RPS6KA2: variants seen among roughly 807,000 people sequenced by gnomAD.
RPS6KA2 encodes the protein ribosomal protein S6 kinase A2.
Under a neutral mutation model 91.8 loss-of-function variants are expected in RPS6KA2, and 42 were observed. The ratio of observed to expected loss-of-function variants is 0.46; its 90% CI spans 0.36 to 0.59. The LOEUF (loss-of-function observed/expected upper bound fraction) is 0.59, where lower values mean the gene tolerates loss of function less well. RPS6KA2 is among the 20% of genes least tolerant of loss of function. RPS6KA2 has a pLI of 0.00. For missense variants in RPS6KA2, 798 were observed against 978.5 expected, an observed-to-expected ratio of 0.82 and a Z score of 2.46; for synonymous variants, 414 against 393.6, an observed-to-expected ratio of 1.05 and a Z score of -0.61.
chr6:166,540,576 C>A (rs1022564636), intron 1 of RPS6KA2, among the ~76,000 whole-genome samples: 8 of 152,200 alleles, frequency 5.3e-5, no homozygotes, highest in Non-Finnish European at 1.0e-4. Flanking sequence ...ATAATTACTT[C>A]TTGAATGAGT....
In RPS6KA2 at chr6:166,668,393, C is replaced by T. The variant is rs372626986; in HGVS notation, c.124-129609G>A. On this transcript the variant is annotated intron_variant, in intron 2 of 21. Coordinates refer to the RPS6KA2 transcript ENST00000503859. ...CCTTTTCCATTCCAAGCCACAAGAG[C>T]GTCAGACGTGAGGCTGTGCTTCATG... Among the ~76,000 whole-genome samples, 11 of 152,252 alleles carry T rather than the reference C, an allele frequency of 7.2e-5. No homozygotes were observed. The South Asian group carries it at 1.7e-3, about 23-fold the overall frequency.
At chr6:166,429,705 C>A (rs1779056488) in intron 16 of RPS6KA2, among the ~76,000 whole-genome samples, 1 of 152,180 alleles carries the variant, frequency 6.6e-6, no homozygotes, top group South Asian at 2.1e-4. Context: ...CCTGCATCAG[C>A]CTCCCAAAGT....
At position 166,563,467 on chromosome 6, in the gene RPS6KA2, C is replaced by T. The variant is rs1784403217; in HGVS notation, c.100-24683G>A. 6.6e-6 allele frequency among the ~76,000 whole-genome samples: 1 copy of T among 152,084 alleles called. No individual in the cohort carries two copies. Among genetic ancestry groups the T allele is most frequent in the Admixed American group, 6.5e-5 (1 of 15,280 alleles). ...TCCTGGTGACAGATGCCCCCTGCCA[C>T]CCCCAGGGGCTGCGGCTCCCCCAGA... On this transcript the variant is annotated intron_variant, in intron 1 of 20. Transcript: ENST00000265678. The surrounding 1 kb of genome is among the most constrained non-coding windows in gnomAD (Gnocchi z 4.1).
chr6:166,443,841 C>A (rs1562497027), intron 14 of RPS6KA2, among the ~76,000 whole-genome samples: 1 of 152,132 alleles, frequency 6.6e-6, no homozygotes, highest in Non-Finnish European at 1.5e-5. Context: ...TGCATCCTGA[C>A]ATACCATTTT....
chr6:166,820,823 A>G (rs995733894), intron 2 of RPS6KA2, among the ~76,000 whole-genome samples: 1 of 152,204 alleles, frequency 6.6e-6, no homozygotes, highest in African/African-American at 2.4e-5. Flanking sequence ...AAAGTAATTA[A>G]CCCACTTATA....
rs770145794 is a variant in RPS6KA2, at chr6:166,423,287, G to C, written c.1712C>G (p.Pro571Arg). ...LRAGNGLLMT[P>R]CYTANFVAPE... ...GGCCACGAAATTGGCCGTGTAGCAG[G>C]GTGTCATGAGCAGCCCGTTCCCCGC... Residue 571 changes from proline (P) to arginine (R), a missense_variant, in exon 17 of 21, where the codon CCC (proline) becomes CGC (arginine). Physicochemically the swap from Pro to Arg is moderately radical, Grantham distance 103. Coordinates refer to ENST00000265678, the MANE Select transcript of RPS6KA2 (RefSeq NM_021135.6). This position sits in a 1 kb window ranked among gnomAD's most constrained non-coding sequence, Gnocchi z 4.8. 1 of 1,613,774 alleles carries C rather than the reference G, an allele frequency of 6.2e-7. No individual in the cohort carries two copies. Among genetic ancestry groups the C allele is most frequent in the Non-Finnish European group, 8.5e-7 (1 of 1,179,816 alleles).
chr6:166,744,759 C>A (rs1790937032), intron 2 of RPS6KA2, among the ~76,000 whole-genome samples: 1 of 152,270 alleles, frequency 6.6e-6, no homozygotes, highest in Non-Finnish European at 1.5e-5. Flanking sequence ...AAGCGGCACT[C>A]CACGTCCCTG....
At chr6:166,545,456 G>A (rs1433980759) in intron 1 of RPS6KA2, among the ~76,000 whole-genome samples, 2 of 152,142 alleles carry the variant, frequency 1.3e-5, no homozygotes, top group African/African-American at 4.8e-5. Flanking sequence ...GAAGCTCCTC[G>A]GAACTGAGGC....
chr6:166,608,013 A>C (rs9366033), intron 1 of RPS6KA2, among the ~76,000 whole-genome samples: 17,761 of 151,474 alleles, frequency 0.12, 1,121 homozygotes, highest in East Asian at 0.31. Context: ...TTGTCTCAGA[A>C]AGAAAAAAAA....
At chr6:166,577,432 G>A (rs1339391337) in intron 1 of RPS6KA2, among the ~76,000 whole-genome samples, 1 of 152,240 alleles carries the variant, frequency 6.6e-6, no homozygotes, top group Non-Finnish European at 1.5e-5. Context: ...AGCCACAGGG[G>A]TGGAGCTGCC....
At chr6:166,628,342 C>A (rs1582962876), upstream of RPS6KA2, among the ~76,000 whole-genome samples, 1 of 152,192 alleles carries the variant, frequency 6.6e-6, no homozygotes, top group East Asian at 1.9e-4. Flanking sequence ...CAGGGAGAAA[C>A]CGAGCCCATT....
intron 2 of RPS6KA2, among the ~76,000 whole-genome samples, chr6:166,854,762 C>T (rs1416829152): frequency 6.6e-6 from 1 of 152,168 alleles, no homozygotes; most frequent in Non-Finnish European, 1.5e-5. Flanking sequence ...TAAATCAGCA[C>T]AACCTCTACA....
intron 2 of RPS6KA2, among the ~76,000 whole-genome samples, chr6:166,682,314 G>A (rs764940652): frequency 1.3e-5 from 2 of 152,188 alleles, no homozygotes; most frequent in African/African-American, 2.4e-5. Flanking sequence ...TTGAGGTGTC[G>A]TAGGAAAATG....
intron 12 of RPS6KA2, among the ~76,000 whole-genome samples, chr6:166,452,539 G>C (rs1301568234): frequency 6.6e-6 from 1 of 152,132 alleles, no homozygotes; most frequent in African/African-American, 2.4e-5. Context: ...AAGGAACAAA[G>C]CTAGAACTAG....
At chr6:166,569,100 T>C (rs910006119) in intron 1 of RPS6KA2, among the ~76,000 whole-genome samples, 1 of 152,178 alleles carries the variant, frequency 6.6e-6, no homozygotes, top group Non-Finnish European at 1.5e-5. Context: ...AGTAAAAAAA[T>C]GCAAGTTTAC....
At chr6:166,587,434 C>T (rs1785214026) in intron 1 of RPS6KA2, among the ~76,000 whole-genome samples, 1 of 152,156 alleles carries the variant, frequency 6.6e-6, no homozygotes, top group South Asian at 2.1e-4. Context: ...GGCCTCAGTT[C>T]CCTCCTATGT....
At chr6:166,775,323 T>G (rs1042691198) in intron 2 of RPS6KA2, among the ~76,000 whole-genome samples, 1 of 145,318 alleles carries the variant, frequency 6.9e-6, no homozygotes, top group Non-Finnish European at 1.5e-5. Context: ...TGGGGGAGTC[T>G]CTAAGTGCCC....
At chr6:166,604,132 TG>T (rs1194937058) in intron 1 of RPS6KA2, among the ~76,000 whole-genome samples, 1 of 152,212 alleles carries the variant, frequency 6.6e-6, no homozygotes, top group Non-Finnish European at 1.5e-5. Context: ...TTTTTCACTG[TG>T]AGCAACTCTA....
rs1192352123 is a variant in RPS6KA2 at position 166,550,891 on chromosome 6, C to G, written c.100-12107G>C. Among the ~76,000 whole-genome samples the G allele has an allele frequency of 2.7e-5, 4 of 150,650 alleles. No homozygotes were observed. In the Admixed American group the frequency reaches 2.7e-4, roughly 10 times the overall value. On this transcript the variant is annotated intron_variant, in intron 1 of 20. Transcript: ENST00000265678. ...TGGCGGGCGCCTGTAGTCCCAGCTA[C>G]TCGGGAGGCTGAGGCAGCGGAATCG...
Sources: allele counts gnomAD v4.1 joint callset (sites outside exome capture counted in the v4.1 genomes callset), GRCh38; gene constraint gnomAD v4.1.1; non-coding constraint Gnocchi (gnomAD v3.1); transcripts MANE v1.5; gene names NCBI Gene and HGNC (gene_info 2026-07-23, HGNC 2026-07-21).